The following VRK1 variants were observed in gnomAD, a reference collection of about 807,000 sequenced individuals.
VRK1 encodes serine/threonine-protein kinase VRK1.
A neutral mutation model predicts 57.1 loss-of-function variants in VRK1; 33 were observed. That is an observed-to-expected ratio of 0.58 (90% CI 0.44 to 0.77). The LOEUF is 0.77. VRK1 is among the 30% of genes least tolerant of loss of function. The pLI, the probability that VRK1 is intolerant of heterozygous loss-of-function variation, is 0.00. For synonymous variants in VRK1, 137 were observed against 147.8 expected, an observed-to-expected ratio of 0.93 and a Z score of 0.53; for missense variants, 413 against 477.3, an observed-to-expected ratio of 0.87 and a Z score of 1.25.
intron 11 of VRK1, among the ~76,000 whole-genome samples, chr14:96,869,457 TAGTG>T (rs931520640): frequency 6.6e-6 from 1 of 152,188 alleles, no homozygotes; most frequent in Non-Finnish European, 1.5e-5. Flanking sequence ...ATATTTTACT[TAGTG>T]AGTATGTGTG....
chr14:96,810,430 AG>A (rs1595641141), intron 1 of VRK1, among the ~76,000 whole-genome samples: 3 of 152,120 alleles, frequency 2.0e-5, no homozygotes, highest in African/African-American at 7.2e-5. Flanking sequence ...ATCTTCTAGA[AG>A]CTTTAGTATT....
intron 3 of VRK1, among the ~76,000 whole-genome samples, chr14:96,839,774 T>C (rs1318128506): frequency 6.6e-6 from 1 of 152,216 alleles, no homozygotes; most frequent in Non-Finnish European, 1.5e-5. Flanking sequence ...AAGTCCTTTT[T>C]CAGATACGTG....
intron 5 of VRK1, among the ~76,000 whole-genome samples, chr14:96,851,810 A>T (rs931912889): frequency 2.9e-4 from 44 of 152,216 alleles, no homozygotes; most frequent in Non-Finnish European, 5.9e-4. Flanking sequence ...TACCTACTTT[A>T]TAGAGTGATG....
intron 12 of VRK1, among the ~76,000 whole-genome samples, chr14:96,877,164 A>C (rs1209291059): frequency 6.6e-6 from 1 of 151,980 alleles, no homozygotes. Flanking sequence ...ATTTTACAGC[A>C]TAGGTGCCAT....
chr14:96,824,683 T>TC (rs1427083776), intron 1 of VRK1, among the ~76,000 whole-genome samples: 23 of 147,994 alleles, frequency 1.6e-4, no homozygotes, highest in African/African-American at 5.8e-4. Flanking sequence ...TTTTTTTTTT[T>TC]CCCTCTGTCG....
chr14:96,827,102 C>G (rs1475503007), intron 1 of VRK1, among the ~76,000 whole-genome samples: 3 of 150,226 alleles, frequency 2.0e-5, no homozygotes, highest in African/African-American at 7.4e-5. Context: ...TGTTGGCAGG[C>G]AGGGGCACTA....
At chr14:96,819,418 G>A (rs1024197871) in intron 1 of VRK1, among the ~76,000 whole-genome samples, 2 of 152,180 alleles carry the variant, frequency 1.3e-5, no homozygotes, top group Non-Finnish European at 2.9e-5. Context: ...AGGTCAGTGG[G>A]TCAGTCTGTG....
intron 12 of VRK1, chr14:96,877,650 A>G: frequency 9.3e-6 from 12 of 1,285,144 alleles, no homozygotes; most frequent in South Asian, 1.2e-5. Flanking sequence ...AAATTTTAAA[A>G]CTGGCAATTT....
intron 1 of VRK1, among the ~76,000 whole-genome samples, chr14:96,806,499 A>G (rs1885883953): frequency 1.3e-5 from 2 of 152,330 alleles, no homozygotes; most frequent in South Asian, 4.1e-4. Flanking sequence ...TTTGAAAGTC[A>G]TTTGATGTTT....
chr14:96,798,352 C>A (rs1159396933), intron 1 of VRK1, among the ~76,000 whole-genome samples: 1 of 152,208 alleles, frequency 6.6e-6, no homozygotes. Flanking sequence ...CAGACAGCAG[C>A]AGAGTCAGAC....
chr14:96,879,045 T>C (rs1478218909), intron 12 of VRK1, among the ~76,000 whole-genome samples: 3 of 152,130 alleles, frequency 2.0e-5, no homozygotes, highest in South Asian at 2.1e-4. Flanking sequence ...AGTCAAAAAG[T>C]AGATATTTTT....
intron 1 of VRK1, among the ~76,000 whole-genome samples, chr14:96,804,875 T>C (rs544030323): frequency 1.3e-5 from 2 of 152,350 alleles, no homozygotes; most frequent in South Asian, 4.1e-4. Context: ...CTTTTGCTGC[T>C]GTCCTCAGTG....
intron 12 of VRK1, among the ~76,000 whole-genome samples, chr14:96,879,785 T>A (rs2139854232): frequency 6.6e-6 from 1 of 151,910 alleles, no homozygotes; most frequent in African/African-American, 2.4e-5. Context: ...AAAAATTACC[T>A]GGGCGTGGTG....
chr14:96,828,383 T>A (rs2145636), intron 1 of VRK1, among the ~76,000 whole-genome samples: 1 of 152,016 alleles, frequency 6.6e-6, no homozygotes, highest in Non-Finnish European at 1.5e-5. Flanking sequence ...ACTTTTGCAG[T>A]TGAAGTCTTC....
In VRK1 at chr14:96,833,473, T is replaced by TG. The variant is rs988721779; in HGVS notation, c.3dup (p.Pro2_?1). The TG allele has an allele frequency of 1.9e-6, 3 of 1,613,482 alleles. No individual in the cohort carries two copies. The highest frequency in any genetic ancestry group is 2.5e-6 in the Non-Finnish European group (3 of 1,179,620). On this transcript the variant is annotated frameshift_variant and start_lost, in exon 2 of 13. Transcript: ENST00000216639. LOFTEE classifies it high-confidence loss of function. The stretch of plus-strand genomic sequence containing the variant: ...TCTTTGTTTTATGTTATAGTGAAAA[T>TG]GCCTCGTGTAAAAGCAGCTCAAGCT...
At chr14:96,856,994 G>T (rs1168850785) in intron 10 of VRK1, among the ~76,000 whole-genome samples, 2 of 152,154 alleles carry the variant, frequency 1.3e-5, no homozygotes, top group Non-Finnish European at 2.9e-5. Context: ...TAGATGGTTT[G>T]TTAAATGAAT....
At chr14:96,824,519 C>T (rs1032328276) in intron 1 of VRK1, among the ~76,000 whole-genome samples, 43 of 151,594 alleles carry the variant, frequency 2.8e-4, no homozygotes, top group Non-Finnish European at 1.2e-4. Context: ...ATCATGAAGG[C>T]GGATCTCGGA....
chr14:96,862,761 G>A (rs1260350520), intron 11 of VRK1, among the ~76,000 whole-genome samples: 1 of 152,052 alleles, frequency 6.6e-6, no homozygotes, highest in Non-Finnish European at 1.5e-5. Flanking sequence ...TGCTCTGGAT[G>A]TCAGGAGGCT....
chr14:96,854,204 A>G (rs999617109), intron 7 of VRK1, among the ~76,000 whole-genome samples: 10 of 152,182 alleles, frequency 6.6e-5, no homozygotes, highest in Admixed American at 5.2e-4. Flanking sequence ...TTTCTAGGCT[A>G]AGAACAAAGA....
Sources: gnomAD v4.1 joint callset for allele counts (sites outside exome capture counted in the v4.1 genomes callset) on GRCh38, gnomAD v4.1.1 for gene constraint, MANE v1.5 for transcripts, NCBI Gene and HGNC (gene_info 2026-07-23, HGNC 2026-07-21) for gene names.